Variants in UNC13A observed in about 807,000 individuals in gnomAD.
The protein encoded by UNC13A is unc-13 homolog A, also known as protein unc-13 homolog A.
In UNC13A, 61 loss-of-function variants were observed where a neutral mutation model predicts 219.7. The observed-to-expected ratio is 0.28, with a 90% confidence interval of 0.23 to 0.34. The LOEUF is 0.34. Ranked by LOEUF, UNC13A falls within the 10% of genes least tolerant of loss-of-function variation. The probability of loss-of-function intolerance (pLI) is 1.00; values close to 1 mark genes in which losing one functional copy is unlikely to be tolerated. For synonymous variants in UNC13A, 920 were observed against 884.6 expected, an observed-to-expected ratio of 1.04 and a Z score of -0.71; for missense variants, 1,476 against 2,270.3, an observed-to-expected ratio of 0.65 and a Z score of 7.11.
chr19:17,666,116 CTTTTCTTTTCTTTCT>C (rs1370183710), intron 7 of UNC13A, among the ~76,000 whole-genome samples: 1 of 74,492 alleles, frequency 1.3e-5, no homozygotes, highest in African/African-American at 6.2e-5. Flanking sequence ...TTTCTTTTCT[CTTTTCTTTTCTTTCT>C]TTTTCTTTCT....
chr19:17,648,368 G>A, intron 16 of UNC13A, 63 bp downstream of exon 16: 11 of 857,654 alleles, frequency 1.3e-5, no homozygotes, highest in East Asian at 1.3e-4. Flanking sequence ...GCCTTTCCCC[G>A]CCATGCAAGC....
At chr19:17,635,918 G>A in intron 26 of UNC13A, 106 bp downstream of exon 26, 1 of 1,377,244 alleles carries the variant, frequency 7.3e-7, no homozygotes, top group African/African-American at 1.4e-5. Context: ...ACCCCCAGGT[G>A]CACATTTGTG....
intron 2 of UNC13A, among the ~76,000 whole-genome samples, chr19:17,675,064 G>A (rs1026242450): frequency 5.9e-5 from 9 of 152,058 alleles, no homozygotes; most frequent in Non-Finnish European, 2.9e-5. Context: ...GCAGTGGCTC[G>A]CGCCTATAAT....
chr19:17,648,327 C>A (rs2079280741), intron 16 of UNC13A, 104 bp downstream of exon 16: 2 of 1,145,050 alleles, frequency 1.7e-6, no homozygotes, highest in East Asian at 3.1e-5. Flanking sequence ...TGCCCCGCCC[C>A]ATGGTGCCCC....
chr19:17,656,197 C>G lies in UNC13A; in HGVS notation c.969G>C (p.Glu323Asp), dbSNP rs931161413. The stretch of plus-strand genomic sequence containing the variant: ...GGAAGTCCTCCAGGTCCTCCTCCAG[C>G]TCTTCCTCATCCTGGTCCCAGCGAG... Reference protein sequence around the residue: ...DSPRWDQDEEELEEDLEDFLE... With the variant: ...DSPRWDQDEEDLEEDLEDFLE... The change falls in exon 10 of 44, where the codon GAG (glutamate) becomes GAC (aspartate). Residue 323 changes from glutamate to aspartate, a missense_variant. This residue lies in a region of UNC13A where 351 missense variants were observed against 342.6 expected (regional missense o/e 1.02). Transcript: ENST00000519716. The G allele has an allele frequency of 2.6e-6, 4 of 1,552,092 alleles. No individual in the cohort carries two copies. The highest frequency in any genetic ancestry group is 2.7e-5 in the African/African-American group (2 of 73,066).
intron 41 of UNC13A, 125 bp downstream of exon 41, chr19:17,617,577 G>T: frequency 7.2e-7 from 1 of 1,393,214 alleles, no homozygotes; most frequent in Non-Finnish European, 9.9e-7. Context: ...TGGACTTGGT[G>T]CAGAGATGTC....
chr19:17,635,251 T>G (rs1391521270), intron 26 of UNC13A, among the ~76,000 whole-genome samples: 41 of 152,170 alleles, frequency 2.7e-4, no homozygotes, highest in Admixed American at 2.7e-3. Context: ...TCCACCCACC[T>G]TGGCCTCCCA....
chr19:17,649,092 C>A lies in UNC13A; in HGVS notation c.1525-109G>T. ...CAGCAGCCACATTTTGGAGCCACAA[C>A]CGCAAGTTGGAAACAGGTCACCGAC... On this transcript the variant is annotated intron_variant, in intron 14 of 43. Coordinates refer to ENST00000519716, the MANE Select transcript of UNC13A (RefSeq NM_001080421.3). This position sits in a 1 kb window ranked among gnomAD's most constrained non-coding sequence, Gnocchi z 4.4. 1 of 1,298,744 alleles carries A rather than the reference C, an allele frequency of 7.7e-7. No homozygotes were observed. The highest frequency in any genetic ancestry group is 1.4e-5 in the South Asian group (1 of 71,788). 80.5% of individuals were successfully genotyped at this position (1,298,744 alleles called of 1,614,324 possible).
At chr19:17,612,824 G>A (rs576370393) in intron 41 of UNC13A, among the ~76,000 whole-genome samples, 1 of 152,138 alleles carries the variant, frequency 6.6e-6, no homozygotes, top group Non-Finnish European at 1.5e-5. Flanking sequence ...CAACCTGGGT[G>A]ACAGAGCAAG....
rs760059463 is a variant in UNC13A, at chr19:17,639,867, G to A, written c.2829C>T (p.Ser943=). 1.9e-6 allele frequency: 3 copies of A among 1,613,846 alleles called. No individual in the cohort carries two copies. In the Admixed American group the frequency reaches 5.0e-5, roughly 27 times the overall value. Residue 943 remains serine (S), a synonymous_variant, in exon 23 of 44, where the codon TCC becomes TCT. Coordinates refer to ENST00000519716, the MANE Select transcript of UNC13A (RefSeq NM_001080421.3). ...GGTACATGGAGAGGTCAATCCGCAG[G>A]GAGTTATGCAGCTGGTCCAGGAGTT... ...FVKLLDQLHN[S]LRIDLSMYRN...
chr19:17,606,337 G>T lies in UNC13A; in HGVS notation c.4829C>A (p.Ala1610Glu). The T allele has an allele frequency of 6.5e-7, 1 of 1,546,130 alleles. No individual in the cohort carries two copies. The change falls in exon 44 of 44, where the codon GCG becomes GAG. Residue 1610 changes from alanine (A) to glutamate (E), a missense_variant. Transcript: ENST00000519716. The part of the protein sequence containing the change: ...ESFQFTLSAD[A>E]GPECYELQVC... Reference sequence around the variant, plus strand: ...CTGCAGCTCATAGCACTCGGGACCCGCGTCGGCGCTCAGCGTGCTGCGTGG... The same window carrying T: ...CTGCAGCTCATAGCACTCGGGACCCTCGTCGGCGCTCAGCGTGCTGCGTGG...
chr19:17,687,370 G>T (rs2080134552), intron 1 of UNC13A, among the ~76,000 whole-genome samples: 1 of 152,152 alleles, frequency 6.6e-6, no homozygotes, highest in Admixed American at 6.5e-5. Flanking sequence ...GGATGGGCCA[G>T]GAGGGGGACC....
rs371142425 is a variant in UNC13A at position 17,669,703 on chromosome 19, G to T, written c.271-27C>A. The T allele has an allele frequency of 1.0e-5, 16 of 1,591,022 alleles. No homozygotes were observed. In the African/African-American group the frequency reaches 1.1e-4, roughly 11 times the overall value. On this transcript the variant is annotated intron_variant, in intron 4 of 43. Transcript: ENST00000519716. ...TGGGGGTTGGGGGAGGAGGTGTGTGGGTCAGGAATCTGCTGGTCACTAGTC... is the reference window on the plus strand; with the variant it reads ...TGGGGGTTGGGGGAGGAGGTGTGTGTGTCAGGAATCTGCTGGTCACTAGTC...
Position 17,649,577 on chromosome 19 carries a change from C to T in UNC13A, c.1450G>A (p.Gly484Ser), listed in dbSNP as rs373263160. The T allele has an allele frequency of 5.6e-5, 90 of 1,613,676 alleles. No homozygotes were observed. Among genetic ancestry groups the T allele is most frequent in the South Asian group, 2.1e-4 (19 of 91,078 alleles). ...SLWFKGGPGG[G>S]LIIIDSMPDI... ...GGCATGCTGTCGATGATGATGAGACCGCCCCCTGGGCTGAAAGACACAGAG... is the reference window on the plus strand; with the variant it reads ...GGCATGCTGTCGATGATGATGAGACTGCCCCCTGGGCTGAAAGACACAGAG... Residue 484 changes from glycine (G) to serine (S), a missense_variant, in exon 13 of 44, where the codon GGT becomes AGT. By Grantham distance (56) the Gly-to-Ser change is moderately conservative (BLOSUM62 0). Transcript: ENST00000519716. The surrounding 1 kb of genome is among the most constrained non-coding windows in gnomAD (Gnocchi z 4.4).
intron 42 of UNC13A, 79 bp downstream of exon 42, chr19:17,611,684 A>C: frequency 7.6e-7 from 1 of 1,314,332 alleles, no homozygotes; most frequent in Non-Finnish European, 1.1e-6. Flanking sequence ...AACAACAAAA[A>C]AAGGGTGTTG....
intron 19 of UNC13A, among the ~76,000 whole-genome samples, chr19:17,643,561 C>T (rs948066473): frequency 1.3e-4 from 20 of 152,102 alleles, no homozygotes; most frequent in African/African-American, 4.8e-4. Flanking sequence ...TCAGGTGATC[C>T]GCCCGCCTCG....
chr19:17,646,853 C>T (rs561642495), intron 17 of UNC13A, among the ~76,000 whole-genome samples: 35 of 152,320 alleles, frequency 2.3e-4, no homozygotes, highest in Non-Finnish European at 2.8e-4. Context: ...CACTGAGCTG[C>T]ATGCTCGACA....
At chr19:17,645,643 C>T in intron 19 of UNC13A, 31 bp downstream of exon 19, 1 of 1,612,894 alleles carries the variant, frequency 6.2e-7, no homozygotes, top group East Asian at 2.2e-5. Context: ...GGGACCCGTC[C>T]CCACCCGCTT....
chr19:17,688,354 C>T lies in UNC13A; in HGVS notation c.-155G>A. The stretch of plus-strand genomic sequence containing the variant: ...GGCCATCTTGGTTCAGCACCGGGGG[C>T]GCGGACAGCGCCTGACGTGGCGCTG... On this transcript the variant is annotated 5_prime_UTR_variant, in exon 1 of 44. Coordinates refer to ENST00000519716, the MANE Select transcript of UNC13A (RefSeq NM_001080421.3). 7.9e-7 allele frequency: 1 copy of T among 1,270,818 alleles called. No individual in the cohort carries two copies. The highest frequency in any genetic ancestry group is 9.9e-7 in the Non-Finnish European group (1 of 1,005,032). The allele number at this position is 1,270,818 out of a possible 1,614,324, so 78.7% of individuals were successfully genotyped here.
Sources: gnomAD v4.1 joint callset for allele counts (sites outside exome capture counted in the v4.1 genomes callset) on GRCh38, gnomAD v4.1.1 for gene constraint, gnomAD v4.1.1 regional missense constraint, Gnocchi (gnomAD v3.1) non-coding constraint, MANE v1.5 for transcripts, NCBI Gene and HGNC (gene_info 2026-07-23, HGNC 2026-07-21) for gene names.